TMCC3: variants seen among roughly 807,000 people sequenced by gnomAD.
TMCC3 encodes transmembrane and coiled-coil domain family 3, also known as transmembrane and coiled-coil domain protein 3.
TMCC3 carries 28 observed loss-of-function variants against 40.2 expected under a neutral mutation model. The observed-to-expected ratio is 0.70, with a 90% CI of 0.52 to 0.95. The LOEUF (loss-of-function observed/expected upper bound fraction) is 0.95. TMCC3 is among the 40% of genes least tolerant of loss of function. The pLI is 0.00. For missense variants in TMCC3, 554 were observed against 615.2 expected, an observed-to-expected ratio of 0.90 and a Z score of 1.05; for synonymous variants, 255 against 248.5, an observed-to-expected ratio of 1.03 and a Z score of -0.25.
intron 1 of TMCC3, among the ~76,000 whole-genome samples, chr12:94,596,427 T>C (rs969282467): frequency 1.6e-4 from 24 of 152,204 alleles, no homozygotes; most frequent in Non-Finnish European, 2.9e-4. Context: ...TGTCTGTTCC[T>C]CACCCTAGCA....
chr12:94,650,324 C>A, intron 1 of TMCC3, 29 bp downstream of exon 1: 1 of 1,244,248 alleles, frequency 8.0e-7, no homozygotes, highest in South Asian at 2.8e-5. Context: ...CCCGCGCGCA[C>A]CCGCCGCCCC....
At chr12:94,589,127 T>G (rs1455367378) in intron 1 of TMCC3, among the ~76,000 whole-genome samples, 2 of 95,938 alleles carry the variant, frequency 2.1e-5, no homozygotes, top group African/African-American at 8.7e-5. Context: ...CTGGCCAGTA[T>G]GAGGTTGTTG....
intron 3 of TMCC3, among the ~76,000 whole-genome samples, chr12:94,576,738 C>A (rs2068567462): frequency 6.6e-6 from 1 of 152,208 alleles, no homozygotes; most frequent in Admixed American, 6.5e-5. Flanking sequence ...CTGCCTCAAC[C>A]TACCAAAGTG....
At chr12:94,590,388 C>T (rs2068666619) in intron 1 of TMCC3, among the ~76,000 whole-genome samples, 1 of 149,824 alleles carries the variant, frequency 6.7e-6, no homozygotes. Flanking sequence ...GTGATTTGGG[C>T]CAAATAACTT....
chr12:94,624,408 A>ACC (rs1275105094), intron 1 of TMCC3, among the ~76,000 whole-genome samples: 1 of 152,200 alleles, frequency 6.6e-6, no homozygotes, highest in Non-Finnish European at 1.5e-5. Context: ...ACATATCCAT[A>ACC]CAATGAAATA....
intron 1 of TMCC3, among the ~76,000 whole-genome samples, chr12:94,629,301 A>G (rs2068919787): frequency 6.6e-6 from 1 of 152,204 alleles, no homozygotes; most frequent in Admixed American, 6.5e-5. Flanking sequence ...AAGGCTTAAC[A>G]GCCAACACCC....
intron 3 of TMCC3, among the ~76,000 whole-genome samples, chr12:94,578,146 CAAAAA>C (rs1183420863): frequency 2.9e-5 from 1 of 34,854 alleles, no homozygotes; most frequent in South Asian, 1.2e-3. Context: ...AGACTCACCT[CAAAAA>C]AAAAAAAAAA....
chr12:94,580,085 A>G (rs756264355), intron 2 of TMCC3, among the ~76,000 whole-genome samples: 7 of 152,288 alleles, frequency 4.6e-5, no homozygotes, highest in Non-Finnish European at 7.3e-5. Flanking sequence ...TCATACATCA[A>G]TTATAAAACA....
chr12:94,643,874 C>T (rs1277407975), intron 1 of TMCC3, among the ~76,000 whole-genome samples: 1 of 152,202 alleles, frequency 6.6e-6, no homozygotes, highest in Non-Finnish European at 1.5e-5. Flanking sequence ...CCTAGCTCTA[C>T]CATAGTTTCC....
chr12:94,613,653 G>A (rs2068829520), intron 1 of TMCC3, among the ~76,000 whole-genome samples: 2 of 152,082 alleles, frequency 1.3e-5, no homozygotes, highest in South Asian at 4.1e-4. Context: ...GGGTGGGAAG[G>A]CTTGTGATGT....
rs985722056 is a variant in TMCC3 at position 94,567,129 on chromosome 12, T to C, written c.*4306A>G. On this transcript the variant is annotated 3_prime_UTR_variant, in exon 4 of 4. Transcript: ENST00000261226. ...GATGGGCTCCAACAAATGTGAAAATTTAAGAAATCTACCTCTTTATTTAAC... is the reference window on the plus strand; with the variant it reads ...GATGGGCTCCAACAAATGTGAAAATCTAAGAAATCTACCTCTTTATTTAAC... The C allele has an allele frequency of 2.6e-5, 4 of 152,174 alleles. No homozygotes were observed. The highest frequency in any genetic ancestry group is 9.7e-5 in the African/African-American group (4 of 41,444). 9.4% of individuals were successfully genotyped at this position (152,174 alleles called of 1,614,324 possible).
intron 1 of TMCC3, among the ~76,000 whole-genome samples, chr12:94,623,320 G>A (rs1453255469): frequency 6.6e-6 from 1 of 152,102 alleles, no homozygotes; most frequent in African/African-American, 2.4e-5. Context: ...CCATGAGCTG[G>A]GCACTTTTAC....
rs148537679 is a variant in TMCC3 at position 94,575,185 on chromosome 12, T to C, written c.1131+3209A>G. On this transcript the variant is annotated intron_variant, in intron 3 of 3. Transcript: ENST00000261226. ...CAGCCTCCCTGTCTCTGGCAGCCCATTCCCTTTGTGTAACCGTGCCTGTAA... is the reference window on the plus strand; with the variant it reads ...CAGCCTCCCTGTCTCTGGCAGCCCACTCCCTTTGTGTAACCGTGCCTGTAA... Among the ~76,000 whole-genome samples the C allele has an allele frequency of 2.3e-4, 35 of 152,306 alleles. 1 individual carries two copies. In the East Asian group the frequency reaches 5.6e-3, roughly 24 times the overall value.
chr12:94,615,137 A>T (rs1481321828), intron 1 of TMCC3, among the ~76,000 whole-genome samples: 1 of 152,234 alleles, frequency 6.6e-6, no homozygotes, highest in Non-Finnish European at 1.5e-5. Context: ...CAAATATTTT[A>T]ATGTTCAGGG....
At chr12:94,596,364 T>C (rs889843924) in intron 1 of TMCC3, among the ~76,000 whole-genome samples, 4 of 152,198 alleles carry the variant, frequency 2.6e-5, no homozygotes, top group Non-Finnish European at 4.4e-5. Context: ...TCTTATTCCA[T>C]GTGTGTGACG....
At chr12:94,614,113 A>AC (rs1470592524) in intron 1 of TMCC3, among the ~76,000 whole-genome samples, 2 of 151,684 alleles carry the variant, frequency 1.3e-5, no homozygotes, top group Non-Finnish European at 1.5e-5. Flanking sequence ...AAAAAAAAAA[A>AC]AAACTATGGA....
chr12:94,587,942 C>T (rs143069064), intron 1 of TMCC3, among the ~76,000 whole-genome samples: 2,145 of 152,296 alleles, frequency 0.014, 30 homozygotes, highest in Middle Eastern at 0.027. Flanking sequence ...AAAGGCAGAT[C>T]CGCCTACTGA....
chr12:94,616,879 G>A (rs571997524), intron 1 of TMCC3, among the ~76,000 whole-genome samples: 4 of 152,292 alleles, frequency 2.6e-5, no homozygotes, highest in African/African-American at 4.8e-5. Flanking sequence ...CTTGGCAGCC[G>A]CATAGAGGAT....
At chr12:94,624,785 C>A (rs2068894457) in intron 1 of TMCC3, among the ~76,000 whole-genome samples, 1 of 151,942 alleles carries the variant, frequency 6.6e-6, no homozygotes, top group Non-Finnish European at 1.5e-5. Flanking sequence ...CATGCGTGAA[C>A]CTTTTAAGAG....
Sources: allele counts gnomAD v4.1 joint callset (sites outside exome capture counted in the v4.1 genomes callset), GRCh38; gene constraint gnomAD v4.1.1; transcripts MANE v1.5; gene names NCBI Gene and HGNC (gene_info 2026-07-23, HGNC 2026-07-21).